The following PTPRK variants were observed in gnomAD, a reference collection of about 807,000 sequenced individuals.
PTPRK encodes receptor-type tyrosine-protein phosphatase kappa.
A neutral mutation model predicts 178.0 loss-of-function variants in PTPRK; 75 were observed. The observed-to-expected ratio is 0.42, with a 90% CI of 0.35 to 0.51. PTPRK has a LOEUF of 0.51. Ranked by LOEUF, PTPRK falls within the 20% of genes least tolerant of loss-of-function variation. The pLI, the probability that PTPRK is intolerant of heterozygous loss-of-function variation, is 0.02. For synonymous variants in PTPRK, 637 were observed against 620.6 expected, an observed-to-expected ratio of 1.03 and a Z score of -0.39; for missense variants, 1,441 against 1,797.8, an observed-to-expected ratio of 0.80 and a Z score of 3.59.
rs1837956577 is a variant in PTPRK, at chr6:128,381,867, AT to A, written c.223+15698del. ...CGGAAGTTTAGACTAGAGATAATCTATAGAGTCTCTTTCAGATTTAACAGAA... is the reference window on the plus strand; with the variant it reads ...CGGAAGTTTAGACTAGAGATAATCTAAGAGTCTCTTTCAGATTTAACAGAA... On this transcript the variant is annotated intron_variant, in intron 2 of 29. Transcript: ENST00000368226. Among the ~76,000 whole-genome samples, 5 of 152,252 alleles carry A rather than the reference AT, an allele frequency of 3.3e-5. No individual in the cohort carries two copies. The East Asian group carries it at 9.6e-4, about 29-fold the overall frequency.
intron 2 of PTPRK, among the ~76,000 whole-genome samples, chr6:128,385,585 G>A (rs1161639496): frequency 6.6e-6 from 1 of 152,132 alleles, no homozygotes; most frequent in African/African-American, 2.4e-5. Context: ...TAAATAGTAA[G>A]TCTTATACCC....
chr6:128,004,831 G>C lies in PTPRK; in HGVS notation c.2494+253C>G, dbSNP rs7764435. 4.1e-3 allele frequency: 1,576 copies of C among 382,238 alleles called. 23 individuals carry two copies. The highest frequency in any genetic ancestry group is 0.029 in the African/African-American group (1,411 of 49,018). The allele number at this position is 382,238 out of a possible 1,614,324, so 23.7% of individuals were successfully genotyped here. A position where few individuals can be genotyped will look rare whatever the true frequency, so the allele number is the denominator to read the frequency against. ...AGCAATGACACGTGCTATGGACTGA[G>C]TGGTATATGTTTGGAATATCCCTTG... is the stretch of plus-strand genomic sequence containing the variant. On this transcript the variant is annotated intron_variant, in intron 15 of 29. Transcript: ENST00000368226.
chr6:128,078,237 T>C (rs1784183535), intron 11 of PTPRK, among the ~76,000 whole-genome samples: 1 of 151,980 alleles, frequency 6.6e-6, no homozygotes, highest in Non-Finnish European at 1.5e-5. Context: ...AAAAATGCCC[T>C]TAGAATTTTG....
intron 7 of PTPRK, among the ~76,000 whole-genome samples, chr6:128,092,259 G>C (rs1052664905): frequency 2.0e-5 from 3 of 152,104 alleles, no homozygotes; most frequent in African/African-American, 7.2e-5. Flanking sequence ...CAGTTTGAAT[G>C]TATGCTTTAA....
At chr6:128,292,441 T>G (rs1241068320) in intron 3 of PTPRK, among the ~76,000 whole-genome samples, 1 of 152,088 alleles carries the variant, frequency 6.6e-6, no homozygotes, top group Admixed American at 6.6e-5. Flanking sequence ...TAATTGCAAT[T>G]TTATCAAAAC....
intron 7 of PTPRK, among the ~76,000 whole-genome samples, chr6:128,121,759 G>T (rs116242196): frequency 6.6e-6 from 1 of 151,820 alleles, no homozygotes; most frequent in African/African-American, 2.4e-5. Flanking sequence ...TTTAATGTGC[G>T]GGGTTTTTTT....
chr6:128,290,978 G>C (rs1458580916), intron 3 of PTPRK, among the ~76,000 whole-genome samples: 1 of 152,014 alleles, frequency 6.6e-6, no homozygotes, highest in Non-Finnish European at 1.5e-5. Context: ...AGATAATGTA[G>C]TAGACAAAAT....
intron 7 of PTPRK, among the ~76,000 whole-genome samples, chr6:128,092,513 T>A (rs1051758864): frequency 6.6e-6 from 1 of 152,136 alleles, no homozygotes. Flanking sequence ...CTTCTCAGGG[T>A]TGTGTGTATA....
At chr6:128,477,879 G>T (rs1851566985) in intron 1 of PTPRK, among the ~76,000 whole-genome samples, 1 of 151,964 alleles carries the variant, frequency 6.6e-6, no homozygotes, top group Non-Finnish European at 1.5e-5. Flanking sequence ...GTTCAATTCT[G>T]AGGCCTTTGA....
intron 17 of PTPRK, 21 bp from the exon 18 acceptor site, chr6:127,995,559 A>T: frequency 6.9e-7 from 1 of 1,451,266 alleles, no homozygotes; most frequent in Non-Finnish European, 9.4e-7. Context: ...AAAATAATAA[A>T]TATAAGCTGT....
intron 3 of PTPRK, among the ~76,000 whole-genome samples, chr6:128,316,386 G>C (rs1827997202): frequency 2.6e-5 from 4 of 152,110 alleles, no homozygotes; most frequent in Admixed American, 2.6e-4. Flanking sequence ...TTTTCAATCA[G>C]TTACTGAAAG....
chr6:128,125,602 C>CTTTTTTT lies in PTPRK; in HGVS notation c.1163-35617_1163-35611dup, dbSNP rs869038931. On this transcript the variant is annotated intron_variant, in intron 7 of 29. Coordinates refer to ENST00000368226, the MANE Select transcript of PTPRK (RefSeq NM_002844.4). The stretch of plus-strand genomic sequence containing the variant: ...CTAATACACTTGCCTTTGGGCTTTT[C>CTTTTTTT]TTTTTTTTTTTTTTTTTTTTTTTTT... 1.3e-4 allele frequency among the ~76,000 whole-genome samples: 9 copies of CTTTTTTT among 68,380 alleles called. 1 individual carries two copies. Among genetic ancestry groups the CTTTTTTT allele is most frequent in the South Asian group, 4.3e-4 (1 of 2,306 alleles). The allele number at this position is 68,380 out of a possible 152,430, so 44.9% of individuals were successfully genotyped here.
chr6:128,291,192 T>A (rs755439221), intron 3 of PTPRK, among the ~76,000 whole-genome samples: 2 of 151,866 alleles, frequency 1.3e-5, no homozygotes, highest in East Asian at 3.9e-4. Context: ...ACAGAAGAGG[T>A]CAGAGGGATT....
Position 128,187,396 on chromosome 6 carries a change from T to G in PTPRK, c.869-2671A>C, listed in dbSNP as rs1802959828. On this transcript the variant is annotated intron_variant, in intron 6 of 29. Coordinates refer to ENST00000368226, the MANE Select transcript of PTPRK (RefSeq NM_002844.4). ...TGGAAACCTAATATGAAAAAAATGC[T>G]TACACATTAATAGCTGTGTAATCTT... is the stretch of plus-strand genomic sequence containing the variant. 2.6e-5 allele frequency among the ~76,000 whole-genome samples: 4 copies of G among 152,270 alleles called. No individual in the cohort carries two copies. In the South Asian group the frequency reaches 8.3e-4, roughly 32 times the overall value.
chr6:127,993,367 T>A (rs990286744), intron 18 of PTPRK, among the ~76,000 whole-genome samples: 1 of 151,764 alleles, frequency 6.6e-6, no homozygotes, highest in African/African-American at 2.4e-5. Flanking sequence ...TTAGTATTTT[T>A]TTTTTCAGTG....
chr6:128,300,416 T>C lies in PTPRK; in HGVS notation c.495+21623A>G, dbSNP rs1408405972. Among the ~76,000 whole-genome samples the C allele has an allele frequency of 6.6e-5, 10 of 152,082 alleles. No homozygotes were observed. In the East Asian group the frequency reaches 1.7e-3, roughly 26 times the overall value. The stretch of plus-strand genomic sequence containing the variant: ...TAAATCATGCTGCTATAAAGACACA[T>C]ACACACGTATGTTTATTGCGGCATT... On this transcript the variant is annotated intron_variant, in intron 3 of 29. Transcript: ENST00000368226.
rs1779264627 is a variant in PTPRK at position 128,013,443 on chromosome 6, T to A, written c.2195-4175A>T. 2.0e-5 allele frequency among the ~76,000 whole-genome samples: 3 copies of A among 151,484 alleles called. No individual in the cohort carries two copies. The Admixed American group carries it at 2.0e-4, about 10-fold the overall frequency. On this transcript the variant is annotated intron_variant, in intron 13 of 29. Coordinates refer to ENST00000368226, the MANE Select transcript of PTPRK (RefSeq NM_002844.4). ...GTCATGTGATTAATATGTCTTCACG[T>A]CAATGTATGACAGTCACCTTAAGCA...
intron 1 of PTPRK, among the ~76,000 whole-genome samples, chr6:128,498,548 C>G (rs1855072907): frequency 6.6e-6 from 1 of 152,118 alleles, no homozygotes; most frequent in African/African-American, 2.4e-5. Flanking sequence ...CTCCTCTGTC[C>G]AGATAACTGT....
At chr6:128,422,114 AT>A (rs1328352048) in intron 1 of PTPRK, among the ~76,000 whole-genome samples, 1 of 152,094 alleles carries the variant, frequency 6.6e-6, no homozygotes, top group Non-Finnish European at 1.5e-5. Flanking sequence ...GTTATGTTTA[AT>A]TTTTCATGAT....
Sources: allele counts gnomAD v4.1 joint callset (sites outside exome capture counted in the v4.1 genomes callset), GRCh38; gene constraint gnomAD v4.1.1; transcripts MANE v1.5; gene names NCBI Gene and HGNC (gene_info 2026-07-23, HGNC 2026-07-21).